Variants in TPCN1 observed in about 807,000 individuals in gnomAD.
TPCN1 encodes the protein two pore segment channel 1.
Under a neutral mutation model 108.8 loss-of-function variants are expected in TPCN1, and 52 were observed. The ratio of observed to expected loss-of-function variants is 0.48; its 90% CI spans 0.38 to 0.60. The LOEUF is 0.60. Among genes scored for constraint, TPCN1 ranks in the 20% least tolerant of loss-of-function variants. TPCN1 has a pLI of 0.00. For missense variants in TPCN1, 806 were observed against 1,072.8 expected (o/e 0.75, Z 3.47); for synonymous variants, 446 against 433.7 (o/e 1.03, Z -0.35).
intron 2 of TPCN1, 137 bp from the exon 3 acceptor site, chr12:113,260,231 G>C: frequency 1.0e-6 from 1 of 971,672 alleles, no homozygotes; most frequent in East Asian, 3.0e-5. Context: ...TCAGTACACA[G>C]CATGGAGGTT....
Position 113,284,549 on chromosome 12 carries a change from TTC to T in TPCN1, c.1343-28_1343-27del, listed in dbSNP as rs1456361219. On this transcript the variant is annotated intron_variant, in intron 15 of 27. Transcript: ENST00000335509. This position sits in a 1 kb window ranked among gnomAD's most constrained non-coding sequence, Gnocchi z 4.1. ...GCAGATTTCTAAGCCCCCCTGTTAT[TTC>T]TCTGTCTTTTACGGGCCTGTGTATT... The T allele has an allele frequency of 1.2e-6, 2 of 1,613,490 alleles. No homozygotes were observed. The highest frequency in any genetic ancestry group is 3.3e-5 in the Admixed American group (2 of 60,014).
chr12:113,229,428 CT>C (rs1327589553), intron 2 of TPCN1, among the ~76,000 whole-genome samples: 3 of 152,226 alleles, frequency 2.0e-5, no homozygotes, highest in African/African-American at 7.2e-5. Context: ...ATATTTCATG[CT>C]TGGATTTTGG....
chr12:113,285,897 G>A lies in TPCN1; in HGVS notation c.1462G>A (p.Val488Met). 6.2e-7 allele frequency: 1 copy of A among 1,614,200 alleles called. No homozygotes were observed. Among genetic ancestry groups the A allele is most frequent in the Non-Finnish European group, 8.5e-7 (1 of 1,179,998 alleles). ...SYLVFLTIYG[V>M]ELFLKVAGLG... Reference sequence around the variant, plus strand: ...ATTCCTTCTGTCCACAGTCTATGGGGTGGAGCTGTTCCTGAAGGTTGCCGG... The same window carrying A: ...ATTCCTTCTGTCCACAGTCTATGGGATGGAGCTGTTCCTGAAGGTTGCCGG... The change falls in exon 18 of 28, where the codon GTG (valine) becomes ATG (methionine). Residue 488 changes from valine (V) to methionine (M), a missense_variant. Val to Met is a conservative substitution (Grantham distance 21). Coordinates refer to ENST00000335509, the MANE Select transcript of TPCN1 (RefSeq NM_017901.6).
chr12:113,221,839 G>T (rs1310119789), intron 1 of TPCN1, among the ~76,000 whole-genome samples: 1 of 152,174 alleles, frequency 6.6e-6, no homozygotes, highest in Non-Finnish European at 1.5e-5. Context: ...CGACTTCTTA[G>T]GGCGACCCTC....
chr12:113,227,763 C>T (rs1399096228), intron 2 of TPCN1, among the ~76,000 whole-genome samples: 1 of 152,166 alleles, frequency 6.6e-6, no homozygotes, highest in African/African-American at 2.4e-5. Context: ...GCTCCCCAGT[C>T]AGGGCAGAGA....
At position 113,270,566 on chromosome 12, in the gene TPCN1, T is replaced by C. The variant is rs572110334; in HGVS notation, c.748+721T>C. Among the ~76,000 whole-genome samples, 5 of 151,872 alleles carry C rather than the reference T, an allele frequency of 3.3e-5. No individual in the cohort carries two copies. The East Asian group carries it at 9.8e-4, about 30-fold the overall frequency. On this transcript the variant is annotated intron_variant, in intron 7 of 27. Transcript: ENST00000335509. ...CACGATCTCGGCTTACTACAACCTC[T>C]GCCTCCCAGGTTCAAGTGATTCTCC... is the stretch of plus-strand genomic sequence containing the variant.
intron 1 of TPCN1, 119 bp from the exon 2 acceptor site, chr12:113,226,609 G>C: frequency 1.2e-6 from 1 of 833,326 alleles, no homozygotes; most frequent in Non-Finnish European, 1.8e-6. Context: ...GAGTATACTT[G>C]AGTGGTTTTT....
Position 113,266,112 on chromosome 12 carries a change from C to CCGCG in TPCN1, c.238-67_238-64dup. 6.4e-7 allele frequency: 1 copy of CCGCG among 1,559,222 alleles called. No individual in the cohort carries two copies. ...CTGGGGCCTTCCTTTCCTCCCCTGCCCGCGGCTCCTCTTTGGCGTTGGATG... is the reference window on the plus strand; with the variant it reads ...CTGGGGCCTTCCTTTCCTCCCCTGCCCGCGCGCGGCTCCTCTTTGGCGTTGGATG... On this transcript the variant is annotated intron_variant, in intron 3 of 27. Coordinates refer to ENST00000335509, the MANE Select transcript of TPCN1 (RefSeq NM_017901.6). The surrounding 1 kb of genome is among the most constrained non-coding windows in gnomAD (Gnocchi z 4.2).
chr12:113,256,110 A>G (rs752672811), intron 2 of TPCN1, among the ~76,000 whole-genome samples: 1 of 152,114 alleles, frequency 6.6e-6, no homozygotes, highest in African/African-American at 2.4e-5. Flanking sequence ...GGCACATGCC[A>G]CTGTGCTTGC....
At chr12:113,275,387 G>T (rs1164988187) in intron 10 of TPCN1, among the ~76,000 whole-genome samples, 1 of 151,528 alleles carries the variant, frequency 6.6e-6, no homozygotes, top group Non-Finnish European at 1.5e-5. Context: ...ACAGGCACAT[G>T]CACATGCCGC....
intron 10 of TPCN1, 69 bp from the exon 11 acceptor site, chr12:113,276,850 T>TA (rs1414696211): frequency 9.5e-7 from 1 of 1,055,010 alleles, no homozygotes; most frequent in African/African-American, 1.6e-5. Context: ...GATGAACTCA[T>TA]ACCCCCCTGC....
chr12:113,241,751 C>T lies in TPCN1; in HGVS notation c.112+14787C>T, dbSNP rs7133785. 5.8e-3 allele frequency among the ~76,000 whole-genome samples: 801 copies of T among 137,760 alleles called. 13 individuals are homozygous for T. The highest frequency in any genetic ancestry group is 0.021 in the African/African-American group (749 of 36,358). The allele number at this position is 137,760 out of a possible 152,430, so 90.4% of individuals were successfully genotyped here. A position where few individuals can be genotyped will look rare whatever the true frequency, so the allele number is the denominator to read the frequency against. On this transcript the variant is annotated intron_variant, in intron 2 of 27. Coordinates refer to ENST00000335509, the MANE Select transcript of TPCN1 (RefSeq NM_017901.6). Reference sequence around the variant, plus strand: ...TTCACTGGGTAAACAGTGGCGTTTGCGTGCCTCTGCGTGTGTGTGTGTGTG... The same window carrying T: ...TTCACTGGGTAAACAGTGGCGTTTGTGTGCCTCTGCGTGTGTGTGTGTGTG...
intron 10 of TPCN1, among the ~76,000 whole-genome samples, chr12:113,276,026 C>T (rs551771127): frequency 6.6e-6 from 1 of 152,284 alleles, no homozygotes; most frequent in East Asian, 1.9e-4. Flanking sequence ...GGCCCATGGC[C>T]TGTGTTTGTA....
chr12:113,260,774 A>G (rs1448152742), intron 3 of TPCN1, among the ~76,000 whole-genome samples: 1 of 152,176 alleles, frequency 6.6e-6, no homozygotes. Flanking sequence ...CCCTCTTCTC[A>G]GGGCACACTG....
In TPCN1 at chr12:113,272,233, C is replaced by G. The variant is rs1336666943; in HGVS notation, c.749-425C>G. On this transcript the variant is annotated intron_variant, in intron 7 of 27. Transcript: ENST00000335509. This position sits in a 1 kb window ranked among gnomAD's most constrained non-coding sequence, Gnocchi z 4.1. The stretch of plus-strand genomic sequence containing the variant: ...AGTGAATGGCATTCCCACCCTGGGA[C>G]CCTGGCTGCAGGGAGCAGCGGATCC... 6.6e-6 allele frequency among the ~76,000 whole-genome samples: 1 copy of G among 152,198 alleles called. No homozygotes were observed.
Position 113,290,119 on chromosome 12 carries a change from T to C in TPCN1, c.1797-9T>C. On this transcript the variant is annotated splice_polypyrimidine_tract_variant and intron_variant, in intron 21 of 27. Coordinates refer to ENST00000335509, the MANE Select transcript of TPCN1 (RefSeq NM_017901.6). ...ACCCTCCCTCCTTTCTCCCTTGTGC[T>C]CCGGCCAGCACGAGTACAGTGGCAG... 5 of 1,566,794 alleles carry C rather than the reference T, an allele frequency of 3.2e-6. No homozygotes were observed. The highest frequency in any genetic ancestry group is 3.5e-6 in the Non-Finnish European group (4 of 1,152,248).
rs1309933108 is a variant in TPCN1 at position 113,268,639 on chromosome 12, C to T, written c.529-103C>T. The T allele has an allele frequency of 6.2e-6, 9 of 1,462,068 alleles. No homozygotes were observed. The highest frequency in any genetic ancestry group is 8.4e-6 in the Non-Finnish European group (9 of 1,076,726). The allele number at this position is 1,462,068 out of a possible 1,614,324, so 90.6% of individuals were successfully genotyped here. On this transcript the variant is annotated intron_variant, in intron 5 of 27. Transcript: ENST00000335509. This position sits in a 1 kb window ranked among gnomAD's most constrained non-coding sequence, Gnocchi z 7.3. The stretch of plus-strand genomic sequence containing the variant: ...AGGGCTGGAGAGAGGAGAAGGCCTC[C>T]CGAGGCCAGAGTGGGCACTGCCTCT...
At chr12:113,275,695 C>A (rs925563274) in intron 10 of TPCN1, among the ~76,000 whole-genome samples, 3 of 151,930 alleles carry the variant, frequency 2.0e-5, no homozygotes, top group African/African-American at 7.3e-5. Context: ...GCCTCAGCCT[C>A]CCGAGTAGCT....
chr12:113,295,070 G>A (rs547704711), intron 27 of TPCN1, among the ~76,000 whole-genome samples: 13 of 152,320 alleles, frequency 8.5e-5, no homozygotes, highest in African/African-American at 2.4e-4. Context: ...TAATAGAAGC[G>A]TTTGACCTTG....
Sources: gnomAD v4.1 joint callset for allele counts (sites outside exome capture counted in the v4.1 genomes callset) on GRCh38, gnomAD v4.1.1 for gene constraint, Gnocchi (gnomAD v3.1) non-coding constraint, MANE v1.5 for transcripts, NCBI Gene and HGNC (gene_info 2026-07-23, HGNC 2026-07-21) for gene names.